MAGI2: variants seen among roughly 807,000 people sequenced by gnomAD.
MAGI2 encodes membrane associated guanylate kinase, WW and PDZ domain containing 2, also known as membrane-associated guanylate kinase, WW and PDZ domain-containing protein 2.
A neutral mutation model predicts 133.3 loss-of-function variants in MAGI2; 35 were observed. The ratio of observed to expected loss-of-function variants is 0.26; its 90% CI spans 0.20 to 0.35. MAGI2 has a LOEUF of 0.35. Among genes scored for constraint, MAGI2 ranks in the 10% least tolerant of loss-of-function variants. The pLI is 1.00. For synonymous variants in MAGI2, 729 were observed against 710.6 expected, an observed-to-expected ratio of 1.03 and a Z score of -0.41; for missense variants, 1,636 against 1,863.4, an observed-to-expected ratio of 0.88 and a Z score of 2.25.
intron 1 of MAGI2, among the ~76,000 whole-genome samples, chr7:79,322,636 T>C (rs542537266): frequency 6.6e-6 from 1 of 151,856 alleles, no homozygotes; most frequent in East Asian, 1.9e-4. Context: ...AATACAAAAA[T>C]TAGCCGGGCC....
chr7:78,199,892 C>T (rs1829079248), intron 11 of MAGI2, among the ~76,000 whole-genome samples: 1 of 152,106 alleles, frequency 6.6e-6, no homozygotes, highest in African/African-American at 2.4e-5. Context: ...AAGGAAATCA[C>T]TAGATTGTAT....
chr7:78,768,561 C>A (rs1005147279), intron 2 of MAGI2, among the ~76,000 whole-genome samples: 3 of 152,118 alleles, frequency 2.0e-5, no homozygotes, highest in African/African-American at 7.2e-5. Context: ...ACGATGAAAA[C>A]CCTTGGAGGG....
chr7:79,346,989 G>A (rs907080663), intron 1 of MAGI2, among the ~76,000 whole-genome samples: 3 of 151,952 alleles, frequency 2.0e-5, no homozygotes, highest in Non-Finnish European at 4.4e-5. Context: ...CTGAGTCACT[G>A]TTTTTCAGAT....
At chr7:79,156,357 T>C (rs1823778388) in intron 1 of MAGI2, among the ~76,000 whole-genome samples, 1 of 152,144 alleles carries the variant, frequency 6.6e-6, no homozygotes, top group Non-Finnish European at 1.5e-5. Flanking sequence ...ACTAGATCTT[T>C]TTCTTCCAGG....
rs147143021 is a variant in MAGI2, at chr7:79,297,132, G to T, written c.301+155888C>A. On this transcript the variant is annotated intron_variant, in intron 1 of 21. Transcript: ENST00000354212. ...AGGAAGAGCAATCAAGTTTGCACAT[G>T]TGCAGGCAATGACAAATTCATACAT... is the stretch of plus-strand genomic sequence containing the variant. Among the ~76,000 whole-genome samples the T allele has an allele frequency of 1.8e-4, 27 of 152,298 alleles. 2 individuals are homozygous for T. The East Asian group carries it at 5.2e-3, about 29-fold the overall frequency.
rs181710920 is a variant in MAGI2 at position 78,860,089 on chromosome 7, T to A, written c.418+147001A>T. Among the ~76,000 whole-genome samples the A allele has an allele frequency of 2.4e-3, 361 of 152,368 alleles. 3 individuals are homozygous for A. Among genetic ancestry groups the A allele is most frequent in the African/African-American group, 8.2e-3 (342 of 41,588 alleles). On this transcript the variant is annotated intron_variant, in intron 2 of 21. Coordinates refer to ENST00000354212, the MANE Select transcript of MAGI2 (RefSeq NM_012301.4). ...TCTCGTGCCATGGTTTTCAGCTCCA[T>A]CAGGTCATTTAAGGTCTTCTCTACG...
chr7:78,352,417 C>G (rs1222608008), intron 7 of MAGI2, among the ~76,000 whole-genome samples: 1 of 152,134 alleles, frequency 6.6e-6, no homozygotes, highest in Non-Finnish European at 1.5e-5. Context: ...TTACTTGGAG[C>G]ATTTTTTAAA....
intron 1 of MAGI2, among the ~76,000 whole-genome samples, chr7:79,240,472 T>G (rs1161895982): frequency 6.6e-6 from 1 of 152,016 alleles, no homozygotes; most frequent in Non-Finnish European, 1.5e-5. Flanking sequence ...GACAATGGCA[T>G]GTATTCTCAA....
chr7:78,020,022 T>C (rs1808198928), intron 21 of MAGI2, 46 bp from the exon 22 acceptor site: 1 of 1,518,164 alleles, frequency 6.6e-7, no homozygotes, highest in East Asian at 2.4e-5. Context: ...ACGCAGGACG[T>C]CCCCGTGCCC....
intron 10 of MAGI2, among the ~76,000 whole-genome samples, chr7:78,216,145 A>C (rs76786396): frequency 0.012 from 1,793 of 152,320 alleles, 26 homozygotes; most frequent in African/African-American, 0.039. Flanking sequence ...ATCACCATTC[A>C]CCCTGGGACA....
intron 1 of MAGI2, among the ~76,000 whole-genome samples, chr7:79,341,786 A>G (rs1030149222): frequency 6.6e-6 from 1 of 152,186 alleles, no homozygotes; most frequent in Non-Finnish European, 1.5e-5. Flanking sequence ...TGAAATCTTC[A>G]GTTGAATTTC....
chr7:78,765,049 T>C (rs1001457026), intron 2 of MAGI2, among the ~76,000 whole-genome samples: 1 of 152,312 alleles, frequency 6.6e-6, no homozygotes. Flanking sequence ...AGACAGACTA[T>C]GATTTTGCCA....
At chr7:78,192,269 C>A (rs1828292779) in intron 12 of MAGI2, among the ~76,000 whole-genome samples, 1 of 151,926 alleles carries the variant, frequency 6.6e-6, no homozygotes, top group African/African-American at 2.4e-5. Flanking sequence ...AGAGCCAAAC[C>A]TAAATGTTAT....
intron 16 of MAGI2, among the ~76,000 whole-genome samples, chr7:78,159,483 A>G (rs1824748822): frequency 6.6e-6 from 1 of 152,218 alleles, no homozygotes. Context: ...TACCAAGAGC[A>G]CATGAAGCCA....
At chr7:78,698,377 A>G (rs1385272701) in intron 2 of MAGI2, among the ~76,000 whole-genome samples, 3 of 152,176 alleles carry the variant, frequency 2.0e-5, no homozygotes, top group Non-Finnish European at 4.4e-5. Flanking sequence ...ACAAAGGTCC[A>G]CAACACAGTT....
intron 1 of MAGI2, among the ~76,000 whole-genome samples, chr7:79,045,110 C>T (rs1812051277): frequency 6.6e-6 from 1 of 152,102 alleles, no homozygotes; most frequent in African/African-American, 2.4e-5. Flanking sequence ...AAACATTGTA[C>T]TAAGAAAATG....
chr7:78,433,621 C>T (rs1321912700), intron 6 of MAGI2, among the ~76,000 whole-genome samples: 2 of 152,056 alleles, frequency 1.3e-5, no homozygotes, highest in African/African-American at 2.4e-5. Flanking sequence ...GGTGGTTTTG[C>T]AGGAAAGAGT....
Position 78,194,970 on chromosome 7 carries a change from T to C in MAGI2, c.2173A>G (p.Arg725Gly), listed in dbSNP as rs750937428. ...QNLPFPPALH[R>G]SSFPDSTEAF... ...TCTGTTGAGTCAGGAAAGGAGCTCCTGTGAAGGGCAGGTGGGAAGGGCAGG... is the reference window on the plus strand; with the variant it reads ...TCTGTTGAGTCAGGAAAGGAGCTCCCGTGAAGGGCAGGTGGGAAGGGCAGG... Residue 725 changes from arginine (R) to glycine (G), a missense_variant, in exon 12 of 22, where the codon AGG (arginine) becomes GGG (glycine). Physicochemically the swap from Arg to Gly is moderately radical, Grantham distance 125. This residue lies in a region of MAGI2 where 920 missense variants were observed against 1,093.5 expected (regional missense o/e 0.84). Transcript: ENST00000354212. 1.9e-6 allele frequency: 3 copies of C among 1,614,126 alleles called. No homozygotes were observed. Among genetic ancestry groups the C allele is most frequent in the Non-Finnish European group, 2.5e-6 (3 of 1,179,990 alleles).
Position 78,256,525 on chromosome 7 carries a change from C to T in MAGI2, c.1465G>A (p.Val489Ile). ...VCVLGHTHADVVKLFQSVPIG... is the reference protein window; with the variant it reads ...VCVLGHTHADIVKLFQSVPIG... ...GGAACAGACTGGAAAAGTTTGACAA[C>T]ATCTGCATGAGTGTGTCCAAGGACA... The change falls in exon 10 of 22, where the codon GTT becomes ATT. Residue 489 changes from valine to isoleucine, a missense_variant. Transcript: ENST00000354212. 1 of 1,613,888 alleles carries T rather than the reference C, an allele frequency of 6.2e-7. No homozygotes were observed. The highest frequency in any genetic ancestry group is 8.5e-7 in the Non-Finnish European group (1 of 1,179,934).
Sources: gnomAD v4.1 joint callset for allele counts (sites outside exome capture counted in the v4.1 genomes callset) on GRCh38, gnomAD v4.1.1 for gene constraint, gnomAD v4.1.1 regional missense constraint, MANE v1.5 for transcripts, NCBI Gene and HGNC (gene_info 2026-07-23, HGNC 2026-07-21) for gene names.